TUBA1C: variants seen among roughly 807,000 people sequenced by gnomAD.
TUBA1C encodes the protein tubulin alpha 1c, also known as tubulin alpha-1C chain.
TUBA1C carries 16 observed loss-of-function variants against 34.9 expected under a neutral mutation model. That is an observed-to-expected ratio of 0.46 (90% confidence interval 0.31 to 0.70). The LOEUF is 0.70. Ranked by LOEUF, TUBA1C falls within the 30% of genes least tolerant of loss-of-function variation. The pLI, the probability that TUBA1C is intolerant of heterozygous loss-of-function variation, is 0.05. For missense variants in TUBA1C, 329 were observed against 587.3 expected (o/e 0.56, Z 4.55); for synonymous variants, 177 against 215.9 (o/e 0.82, Z 1.58).
intron 1 of TUBA1C, among the ~76,000 whole-genome samples, chr12:49,234,945 G>A (rs562577278): frequency 6.6e-5 from 10 of 152,128 alleles, no homozygotes; most frequent in Admixed American, 5.9e-4. Context: ...AGACTCCCGA[G>A]TATTTGGGAT....
At chr12:49,257,239 T>C (rs1942793866) in intron 1 of TUBA1C, among the ~76,000 whole-genome samples, 2 of 151,934 alleles carry the variant, frequency 1.3e-5, no homozygotes, top group South Asian at 4.1e-4. Context: ...CAAAGAAGGC[T>C]GGACTGAAGG....
chr12:49,266,386 CGCCACT>C (rs2137017661), intron 1 of TUBA1C, among the ~76,000 whole-genome samples: 1 of 151,906 alleles, frequency 6.6e-6, no homozygotes, highest in East Asian at 1.9e-4. Flanking sequence ...GCCGAGATCG[CGCCACT>C]GCACTCCAGC....
chr12:49,248,656 G>A (rs1157357420), intron 1 of TUBA1C, among the ~76,000 whole-genome samples: 1 of 151,632 alleles, frequency 6.6e-6, no homozygotes, highest in African/African-American at 2.4e-5. Flanking sequence ...GAGGTCAGGA[G>A]ATCGAGACCA....
chr12:49,254,921 C>T (rs1165787332), intron 1 of TUBA1C, among the ~76,000 whole-genome samples: 1 of 152,036 alleles, frequency 6.6e-6, no homozygotes, highest in African/African-American at 2.4e-5. Context: ...GTGTCAGGAA[C>T]TTGGTGCAGA....
intron 1 of TUBA1C, 64 bp downstream of exon 1, chr12:49,265,248 C>T (rs1942890048): frequency 2.1e-6 from 3 of 1,438,576 alleles, no homozygotes; most frequent in Non-Finnish European, 2.9e-6. Context: ...GGCCCGGAAA[C>T]TACTGCCTGC....
At chr12:49,240,846 T>C (rs1211855209) in intron 1 of TUBA1C, among the ~76,000 whole-genome samples, 1 of 152,156 alleles carries the variant, frequency 6.6e-6, no homozygotes, top group East Asian at 1.9e-4. Flanking sequence ...TTCTCCCACC[T>C]CAGCCTCACA....
intron 1 of TUBA1C, among the ~76,000 whole-genome samples, chr12:49,252,330 T>A (rs1254107303): frequency 2.0e-5 from 3 of 152,220 alleles, no homozygotes; most frequent in Non-Finnish European, 4.4e-5. Context: ...AGCTTGACCA[T>A]TTTACTGCTT....
chr12:49,272,399 G>C lies in TUBA1C; in HGVS notation c.522G>C (p.Ala174=). 6.2e-7 allele frequency: 1 copy of C among 1,613,776 alleles called. No homozygotes were observed. Among genetic ancestry groups the C allele is most frequent in the Non-Finnish European group, 8.5e-7 (1 of 1,179,976 alleles). ...KSKLEFSIYP[A]PQVSTAVVEP... The stretch of plus-strand genomic sequence containing the variant: ...AGCTGGAGTTCTCCATTTACCCGGC[G>C]CCCCAGGTTTCCACAGCTGTAGTTG... Residue 174 remains alanine, a synonymous_variant, in exon 4 of 4, where the codon GCG becomes GCC. Transcript: ENST00000301072.
intron 1 of TUBA1C, chr12:49,256,353 C>A (rs754910162): frequency 4.6e-6 from 2 of 432,756 alleles, no homozygotes; most frequent in Non-Finnish European, 9.4e-6. Context: ...AAATTTGTTT[C>A]TTTGTTTTGA....
Position 49,270,013 on chromosome 12 carries a change from T to C in TUBA1C, c.375+37T>C, listed in dbSNP as rs1410213855. The C allele has an allele frequency of 1.9e-6, 3 of 1,614,106 alleles. No homozygotes were observed. The Admixed American group carries it at 5.0e-5, about 27-fold the overall frequency. On this transcript the variant is annotated intron_variant, in intron 3 of 3. Coordinates refer to ENST00000301072, the MANE Select transcript of TUBA1C (RefSeq NM_032704.5). Reference sequence around the variant, plus strand: ...ACTTTAAATAAAGTGGGATGAGAGTTTCTTTTGCAGTTCTGAGACCAAACT... The same window carrying C: ...ACTTTAAATAAAGTGGGATGAGAGTCTCTTTTGCAGTTCTGAGACCAAACT...
intron 1 of TUBA1C, among the ~76,000 whole-genome samples, chr12:49,257,665 G>C (rs1346517781): frequency 6.6e-6 from 1 of 151,792 alleles, no homozygotes; most frequent in African/African-American, 2.4e-5. Context: ...GGTAACCTCA[G>C]CTATTCAGGA....
chr12:49,264,933 C>A (rs1463259715), upstream of TUBA1C: 1 of 403,516 alleles, frequency 2.5e-6, no homozygotes, highest in Admixed American at 4.5e-5. Context: ...CAATCAGCGC[C>A]GCGCGCCCCC....
At chr12:49,270,776 C>A (rs535202274) in intron 3 of TUBA1C, among the ~76,000 whole-genome samples, 1 of 152,036 alleles carries the variant, frequency 6.6e-6, no homozygotes, top group Non-Finnish European at 1.5e-5. Context: ...GTCAGGAGAT[C>A]GAGACCATCC....
In TUBA1C at chr12:49,246,621, G is replaced by A. The variant is rs1045101255; in HGVS notation, c.213+18455G>A. 1.7e-4 allele frequency among the ~76,000 whole-genome samples: 25 copies of A among 151,408 alleles called. No homozygotes were observed. In the South Asian group the frequency reaches 5.2e-3, roughly 32 times the overall value. Reference sequence around the variant, plus strand: ...ACCCGGGAGGCGGAGCTTGCAGTGAGCGGAGATCGCACCACTGCACTCTAG... The same window carrying A: ...ACCCGGGAGGCGGAGCTTGCAGTGAACGGAGATCGCACCACTGCACTCTAG... On this transcript the variant is annotated intron_variant, in intron 1 of 3. Coordinates refer to the TUBA1C transcript ENST00000541364.
chr12:49,265,625 C>G (rs1483364214), intron 1 of TUBA1C, among the ~76,000 whole-genome samples: 1 of 152,236 alleles, frequency 6.6e-6, no homozygotes, highest in Non-Finnish European at 1.5e-5. Context: ...TCCTGGCTCC[C>G]CCTCTCCAGC....
At chr12:49,245,596 G>A (rs891294511) in intron 1 of TUBA1C, among the ~76,000 whole-genome samples, 1 of 152,176 alleles carries the variant, frequency 6.6e-6, no homozygotes, top group Admixed American at 6.5e-5. Flanking sequence ...AAAAACCTGA[G>A]AAGCGTTTAT....
At chr12:49,231,543 G>T (rs531125107) in intron 1 of TUBA1C, among the ~76,000 whole-genome samples, 2 of 152,302 alleles carry the variant, frequency 1.3e-5, no homozygotes, top group Admixed American at 1.3e-4. Flanking sequence ...AAGGAAGTGC[G>T]AAACAGGGCT....
intron 1 of TUBA1C, among the ~76,000 whole-genome samples, chr12:49,240,585 T>A (rs1195887732): frequency 6.6e-6 from 1 of 151,998 alleles, no homozygotes; most frequent in East Asian, 1.9e-4. Context: ...TTGTGGCTCT[T>A]TTATCTACTT....
chr12:49,264,257 C>A (rs947772935), upstream of TUBA1C, among the ~76,000 whole-genome samples: 22 of 151,422 alleles, frequency 1.5e-4, no homozygotes, highest in Middle Eastern at 3.5e-3. Flanking sequence ...GCATAGTTAG[C>A]AATCAAAAAA....
Sources: gnomAD v4.1 joint callset for allele counts (sites outside exome capture counted in the v4.1 genomes callset) on GRCh38, gnomAD v4.1.1 for gene constraint, MANE v1.5 for transcripts, NCBI Gene and HGNC (gene_info 2026-07-23, HGNC 2026-07-21) for gene names.